DLC1: variants seen among roughly 807,000 people sequenced by gnomAD.
DLC1 encodes rho GTPase-activating protein 7.
Under a neutral mutation model 140.3 loss-of-function variants are expected in DLC1, and 54 were observed. That is an observed-to-expected ratio of 0.38 (90% CI 0.31 to 0.48). The LOEUF (loss-of-function observed/expected upper bound fraction) is 0.48. Among genes scored for constraint, DLC1 ranks in the 20% least tolerant of loss-of-function variants. The pLI is 0.96. For synonymous variants in DLC1, 986 were observed against 728.1 expected (o/e 1.35, Z -5.70); for missense variants, 2,536 against 1,907.0 (o/e 1.33, Z -6.14).
At chr8:13,366,434 T>C (rs1835483852) in intron 4 of DLC1, among the ~76,000 whole-genome samples, 2 of 152,094 alleles carry the variant, frequency 1.3e-5, no homozygotes. Flanking sequence ...ACATGGTAGG[T>C]GTGTGAATGG....
chr8:13,216,575 A>C (rs902436284), intron 5 of DLC1, among the ~76,000 whole-genome samples: 2 of 152,094 alleles, frequency 1.3e-5, no homozygotes, highest in African/African-American at 4.8e-5. Flanking sequence ...TAGTCTGCCT[A>C]AGGGTCCTTT....
intron 1 of DLC1, among the ~76,000 whole-genome samples, chr8:13,603,978 G>T (rs971146453): frequency 6.6e-6 from 1 of 151,888 alleles, no homozygotes; most frequent in African/African-American, 2.4e-5. Context: ...GTACTTAATA[G>T]GTTTTGATCA....
At chr8:13,336,319 T>G (rs559996622) in intron 4 of DLC1, among the ~76,000 whole-genome samples, 2 of 152,316 alleles carry the variant, frequency 1.3e-5, no homozygotes, top group South Asian at 4.1e-4. Context: ...AAGGTAGAAT[T>G]ACAGTGGTAG....
intron 4 of DLC1, among the ~76,000 whole-genome samples, chr8:13,328,229 C>A (rs1482933563): frequency 6.6e-6 from 1 of 152,092 alleles, no homozygotes; most frequent in Non-Finnish European, 1.5e-5. Flanking sequence ...GAGGATATAT[C>A]TGGAAGAAGG....
chr8:13,196,107 C>G (rs1036388204), intron 5 of DLC1, among the ~76,000 whole-genome samples: 2 of 151,540 alleles, frequency 1.3e-5, no homozygotes, highest in Non-Finnish European at 2.9e-5. Flanking sequence ...CACACACACA[C>G]ACACACACAC....
chr8:13,412,165 T>C (rs1312727354), intron 2 of DLC1, among the ~76,000 whole-genome samples: 1 of 152,164 alleles, frequency 6.6e-6, no homozygotes, highest in Non-Finnish European at 1.5e-5. Flanking sequence ...AAGAGTCTAT[T>C]AATAGAAGAA....
chr8:13,150,198 C>G (rs1031033814), intron 5 of DLC1, among the ~76,000 whole-genome samples: 4 of 152,090 alleles, frequency 2.6e-5, no homozygotes, highest in Admixed American at 2.6e-4. Flanking sequence ...CTGGGGAGGC[C>G]CTGTGGCTTC....
intron 5 of DLC1, among the ~76,000 whole-genome samples, chr8:13,264,682 A>G (rs1342744293): frequency 1.3e-5 from 2 of 152,184 alleles, no homozygotes; most frequent in East Asian, 1.9e-4. Context: ...TTAGTGGTAG[A>G]TACATGAGAA....
chr8:13,520,552 C>T (rs942704858), intron 1 of DLC1, among the ~76,000 whole-genome samples: 1 of 152,004 alleles, frequency 6.6e-6, no homozygotes, highest in Admixed American at 6.5e-5. Flanking sequence ...AGCAAACCAC[C>T]ATGGCACGTG....
chr8:13,414,796 C>T (rs289591), intron 2 of DLC1, among the ~76,000 whole-genome samples: 151,193 of 152,208 alleles, frequency 0.99, 75,097 homozygotes, highest in Middle Eastern at 1. Context: ...ACGATGTTAT[C>T]ATTTTTTTTG....
At chr8:13,162,724 G>T (rs113479860) in intron 5 of DLC1, among the ~76,000 whole-genome samples, 22 of 152,220 alleles carry the variant, frequency 1.4e-4, no homozygotes, top group African/African-American at 5.1e-4. Context: ...AGGATCACTT[G>T]AGGCCGGGAG....
chr8:13,255,943 A>G (rs1351266446), intron 5 of DLC1, among the ~76,000 whole-genome samples: 1 of 152,214 alleles, frequency 6.6e-6, no homozygotes, highest in Non-Finnish European at 1.5e-5. Flanking sequence ...TCATTTTGCT[A>G]CAACACAGTA....
At chr8:13,475,277 G>A (rs905354654) in intron 2 of DLC1, among the ~76,000 whole-genome samples, 9 of 152,090 alleles carry the variant, frequency 5.9e-5, no homozygotes, top group African/African-American at 1.9e-4. Context: ...TGTTCCCTAC[G>A]ATATAGCACA....
At chr8:13,393,507 A>G (rs2117215092) in intron 4 of DLC1, 46 bp downstream of exon 4, 5 of 1,572,626 alleles carry the variant, frequency 3.2e-6, no homozygotes, top group Middle Eastern at 1.7e-4. Context: ...CCTGATGATC[A>G]TCAACATTTA....
chr8:13,553,203 C>CATATATATATATATATATAT (rs1201746846), intron 1 of DLC1, among the ~76,000 whole-genome samples: 2 of 68,026 alleles, frequency 2.9e-5, no homozygotes, highest in Admixed American at 2.2e-4. Flanking sequence ...TGCCAGCTGT[C>CATATATATATATATATATAT]ATATATATAT....
intron 5 of DLC1, among the ~76,000 whole-genome samples, chr8:13,267,769 T>C (rs1399899116): frequency 7.4e-6 from 1 of 135,152 alleles, no homozygotes; most frequent in Non-Finnish European, 1.6e-5. Context: ...TGTGTGTGTG[T>C]GTGCAATTGC....
chr8:13,466,841 T>G (rs1799964666), intron 2 of DLC1, among the ~76,000 whole-genome samples: 1 of 152,118 alleles, frequency 6.6e-6, no homozygotes, highest in Non-Finnish European at 1.5e-5. Context: ...GAAATGCAAA[T>G]TAAAGTCATA....
At chr8:13,574,751 A>G (rs987251318) in intron 1 of DLC1, among the ~76,000 whole-genome samples, 3 of 152,212 alleles carry the variant, frequency 2.0e-5, no homozygotes, top group African/African-American at 7.2e-5. Flanking sequence ...AGAAGTGGTG[A>G]TGCCAGACTG....
At chr8:13,115,724 A>G (rs1370972629) in intron 5 of DLC1, 67 bp from the exon 6 acceptor site, 1 of 1,508,900 alleles carries the variant, frequency 6.6e-7, no homozygotes, top group African/African-American at 1.4e-5. Context: ...TTTCCTGAAT[A>G]AGCTTTCGTT....
Sources: allele counts gnomAD v4.1 joint callset (sites outside exome capture counted in the v4.1 genomes callset), GRCh38; gene constraint gnomAD v4.1.1; transcripts MANE v1.5; gene names NCBI Gene and HGNC (gene_info 2026-07-23, HGNC 2026-07-21).